The following KLHL29 variants were observed in gnomAD, a reference collection of about 807,000 sequenced individuals.
The protein encoded by KLHL29 is kelch like family member 29.
KLHL29 carries 21 observed loss-of-function variants against 80.4 expected under a neutral mutation model. The ratio of observed to expected loss-of-function variants is 0.26; its 90% CI spans 0.19 to 0.38. The LOEUF is 0.38. Ranked by LOEUF, KLHL29 falls within the 10% of genes least tolerant of loss-of-function variation. KLHL29 has a pLI of 1.00. For missense variants in KLHL29, 867 were observed against 1,223.9 expected, an observed-to-expected ratio of 0.71 and a Z score of 4.35; for synonymous variants, 511 against 526.8, an observed-to-expected ratio of 0.97 and a Z score of 0.41.
intron 4 of KLHL29, among the ~76,000 whole-genome samples, chr2:23,642,099 C>A (rs1669784150): frequency 6.6e-6 from 1 of 152,200 alleles, no homozygotes; most frequent in South Asian, 2.1e-4. Context: ...TCTGCTGCCT[C>A]TCACCTCTCC....
At chr2:23,462,508 T>C (rs979262696) in intron 1 of KLHL29, among the ~76,000 whole-genome samples, 1 of 152,214 alleles carries the variant, frequency 6.6e-6, no homozygotes, top group African/African-American at 2.4e-5. Context: ...CTTCTTCCTA[T>C]AATGATTCCG....
At chr2:23,525,208 G>A (rs1265941217) in intron 2 of KLHL29, among the ~76,000 whole-genome samples, 2 of 152,234 alleles carry the variant, frequency 1.3e-5, no homozygotes, top group Non-Finnish European at 2.9e-5. Context: ...CTTGAGGACT[G>A]AGAATACAGG....
chr2:23,663,577 C>T (rs949889028), intron 5 of KLHL29, among the ~76,000 whole-genome samples: 2 of 152,350 alleles, frequency 1.3e-5, no homozygotes, highest in Admixed American at 6.5e-5. Flanking sequence ...CTTAAAGTGA[C>T]TTTAATCTGA....
intron 1 of KLHL29, among the ~76,000 whole-genome samples, chr2:23,453,591 A>G (rs1663953065): frequency 6.6e-6 from 1 of 152,214 alleles, no homozygotes; most frequent in East Asian, 1.9e-4. Context: ...CAGCCCCAGG[A>G]TGCCCACTGA....
intron 2 of KLHL29, among the ~76,000 whole-genome samples, chr2:23,525,525 C>T (rs994598571): frequency 5.3e-5 from 8 of 152,230 alleles, no homozygotes; most frequent in Admixed American, 4.6e-4. Context: ...CTCTCTCCTG[C>T]GTGACCAGCA....
At chr2:23,541,954 T>C (rs1666850284) in intron 2 of KLHL29, among the ~76,000 whole-genome samples, 1 of 152,054 alleles carries the variant, frequency 6.6e-6, no homozygotes, top group Admixed American at 6.5e-5. Flanking sequence ...GCTCAAACTG[T>C]CTAGAAAACT....
intron 1 of KLHL29, among the ~76,000 whole-genome samples, chr2:23,391,341 G>A (rs925329848): frequency 6.6e-6 from 1 of 152,206 alleles, no homozygotes; most frequent in East Asian, 1.9e-4. Context: ...TAGCTACTGA[G>A]AATAACGCTG....
chr2:23,430,640 C>T (rs908155320), intron 1 of KLHL29, among the ~76,000 whole-genome samples: 1 of 152,226 alleles, frequency 6.6e-6, no homozygotes, highest in South Asian at 2.1e-4. Context: ...TTCTTCAAGG[C>T]ACTGTTCAGC....
At chr2:23,564,499 T>A (rs1046305579) in intron 3 of KLHL29, among the ~76,000 whole-genome samples, 1 of 152,202 alleles carries the variant, frequency 6.6e-6, no homozygotes, top group African/African-American at 2.4e-5. Flanking sequence ...GCTTGTTTGA[T>A]TCCCCGGATT....
chr2:23,579,677 T>C (rs1667932262), intron 3 of KLHL29, among the ~76,000 whole-genome samples: 1 of 152,208 alleles, frequency 6.6e-6, no homozygotes, highest in South Asian at 2.1e-4. Context: ...GCCTCCAATC[T>C]GCCCACTCTG....
At chr2:23,622,413 A>G (rs1329365940) in intron 3 of KLHL29, among the ~76,000 whole-genome samples, 2 of 152,152 alleles carry the variant, frequency 1.3e-5, no homozygotes, top group African/African-American at 2.4e-5. Flanking sequence ...TCTGAGTTGC[A>G]CCTGTTTTCT....
rs373105252 is a variant in KLHL29 at position 23,385,989 on chromosome 2, AGGGGGAAAAAAAGG to A, written c.-154+221_-154+234del. Among the ~76,000 whole-genome samples the A allele has an allele frequency of 5.5e-3, 841 of 151,928 alleles. 7 individuals carry two copies. The highest frequency in any genetic ancestry group is 0.019 in the African/African-American group (801 of 41,452). ...GGAGCCCTTGCGCCTGCGCTGCTCC[AGGGGGAAAAAAAGG>A]GGGGGAAAAAACTTCCTGCCCCCGG... is the stretch of plus-strand genomic sequence containing the variant. On this transcript the variant is annotated intron_variant, in intron 1 of 13. Transcript: ENST00000486442.
chr2:23,483,568 A>G (rs1664854100), intron 2 of KLHL29, among the ~76,000 whole-genome samples: 1 of 151,876 alleles, frequency 6.6e-6, no homozygotes, highest in Admixed American at 6.6e-5. Context: ...TCCCACTCCA[A>G]CTCCAATTTG....
In KLHL29 at chr2:23,418,663, C is replaced by A. The variant is rs115860254; in HGVS notation, c.-154+32883C>A. 3.4e-3 allele frequency among the ~76,000 whole-genome samples: 523 copies of A among 152,248 alleles called. 2 individuals are homozygous for A. Among genetic ancestry groups the A allele is most frequent in the African/African-American group, 0.012 (505 of 41,538 alleles). ...AGGGTAGTAAGGGAAGCCTGGACGC[C>A]AGCAGTGATGGTAACCGGGGGCCCA... On this transcript the variant is annotated intron_variant, in intron 1 of 13. Coordinates refer to ENST00000486442, the MANE Select transcript of KLHL29 (RefSeq NM_052920.2).
rs1321095622 is a variant in KLHL29 at position 23,693,504 on chromosome 2, G to A, written c.1518G>A (p.Lys506=). 1 of 1,551,082 alleles carries A rather than the reference G, an allele frequency of 6.4e-7. No individual in the cohort carries two copies. Among genetic ancestry groups the A allele is most frequent in the Non-Finnish European group, 8.7e-7 (1 of 1,146,490 alleles). ...ACGAGACAGTCATCAAGTGGATCAA[G>A]AAGGACCCCGCGACACGCACACAGG... ...LVYETVIKWI[K]KDPATRTQYA... is the part of the protein sequence containing the mutation. The change falls in exon 8 of 14, where the codon AAG becomes AAA. Residue 506 remains lysine (K), a synonymous_variant. Coordinates refer to ENST00000486442, the MANE Select transcript of KLHL29 (RefSeq NM_052920.2).
At position 23,402,178 on chromosome 2, in the gene KLHL29, T is replaced by C. The variant is rs187264058; in HGVS notation, c.-154+16398T>C. 4.8e-3 allele frequency among the ~76,000 whole-genome samples: 736 copies of C among 152,264 alleles called. 14 individuals are homozygous for C. Among genetic ancestry groups the C allele is most frequent in the Admixed American group, 6.0e-3 (92 of 15,304 alleles). On this transcript the variant is annotated intron_variant, in intron 1 of 13. Transcript: ENST00000486442. Reference sequence around the variant, plus strand: ...AGGAGGAGGGGATGGGAGGGCCGTCTGGGTGAGGGGTCATCTAAGAGCCCA... The same window carrying C: ...AGGAGGAGGGGATGGGAGGGCCGTCCGGGTGAGGGGTCATCTAAGAGCCCA...
intron 3 of KLHL29, among the ~76,000 whole-genome samples, chr2:23,631,916 C>A (rs913924151): frequency 6.6e-6 from 1 of 152,080 alleles, no homozygotes; most frequent in Non-Finnish European, 1.5e-5. Context: ...TCAGTCCCCA[C>A]GCACAGGCCC....
chr2:23,591,731 CCT>C (rs1668266019), intron 3 of KLHL29, among the ~76,000 whole-genome samples: 1 of 152,178 alleles, frequency 6.6e-6, no homozygotes, highest in South Asian at 2.1e-4. Context: ...TCCAGCCTGC[CCT>C]CTCTACCCTC....
intron 1 of KLHL29, among the ~76,000 whole-genome samples, chr2:23,475,264 T>G (rs993930459): frequency 6.6e-6 from 1 of 151,726 alleles, no homozygotes; most frequent in Admixed American, 6.6e-5. Flanking sequence ...TAGGGCTGTG[T>G]GTATTCGGAG....
Sources: allele counts gnomAD v4.1 joint callset (sites outside exome capture counted in the v4.1 genomes callset), GRCh38; gene constraint gnomAD v4.1.1; transcripts MANE v1.5; gene names NCBI Gene and HGNC (gene_info 2026-07-23, HGNC 2026-07-21).